Variants in SEMA6D observed in about 807,000 individuals in gnomAD.
SEMA6D encodes the protein semaphorin-6D.
SEMA6D carries 35 observed loss-of-function variants against 106.6 expected under a neutral mutation model. The ratio of observed to expected loss-of-function variants is 0.33; its 90% CI spans 0.25 to 0.44. The LOEUF is 0.44. Among genes scored for constraint, SEMA6D ranks in the 20% least tolerant of loss-of-function variants. The probability of loss-of-function intolerance (pLI) is 1.00; values close to 1 mark genes in which losing one functional copy is unlikely to be tolerated. For synonymous variants in SEMA6D, 499 were observed against 487.7 expected (o/e 1.02, Z -0.31); for missense variants, 1,185 against 1,345.9 (o/e 0.88, Z 1.87).
At chr15:47,394,046 A>G (rs544597778) in intron 1 of SEMA6D, among the ~76,000 whole-genome samples, 1 of 152,190 alleles carries the variant, frequency 6.6e-6, no homozygotes, top group South Asian at 2.1e-4. Context: ...TCTTATACCT[A>G]CTCTCTTAAT....
At chr15:47,679,438 G>C (rs1260921064) in intron 4 of SEMA6D, among the ~76,000 whole-genome samples, 1 of 152,116 alleles carries the variant, frequency 6.6e-6, no homozygotes, top group African/African-American at 2.4e-5. Flanking sequence ...CTTTGGCCTT[G>C]GTTCTTTTAT....
intron 3 of SEMA6D, among the ~76,000 whole-genome samples, chr15:47,477,880 A>T (rs2043044415): frequency 8.0e-6 from 1 of 125,760 alleles, no homozygotes; most frequent in African/African-American, 3.7e-5. Flanking sequence ...CTCATAGTTC[A>T]GCTCTTTTCT....
At chr15:47,666,345 T>C (rs1179160045) in intron 4 of SEMA6D, among the ~76,000 whole-genome samples, 3 of 152,192 alleles carry the variant, frequency 2.0e-5, no homozygotes, top group Non-Finnish European at 4.4e-5. Context: ...AACCCCTATT[T>C]TGCCCCTGTT....
chr15:47,526,598 T>C (rs2044763855), intron 3 of SEMA6D, among the ~76,000 whole-genome samples: 1 of 152,180 alleles, frequency 6.6e-6, no homozygotes, highest in Non-Finnish European at 1.5e-5. Context: ...CTGTAATCAG[T>C]AGATAAGTAC....
At chr15:47,422,171 C>CCTTCCTTCCT in intron 2 of SEMA6D, among the ~76,000 whole-genome samples, 1 of 124,244 alleles carries the variant, frequency 8.0e-6, no homozygotes, top group African/African-American at 2.9e-5. Context: ...TTTGCCCGCC[C>CCTTCCTTCCT]GCCTGCCTGC....
intron 3 of SEMA6D, among the ~76,000 whole-genome samples, chr15:47,551,761 A>G (rs941324722): frequency 6.6e-6 from 1 of 151,752 alleles, no homozygotes; most frequent in Non-Finnish European, 1.5e-5. Context: ...CACGTGACCA[A>G]AAGGACTTCA....
At chr15:47,629,794 TATA>T (rs1382824477) in intron 4 of SEMA6D, among the ~76,000 whole-genome samples, 4 of 151,898 alleles carry the variant, frequency 2.6e-5, no homozygotes, top group East Asian at 3.8e-4. Context: ...AGTGAGAATG[TATA>T]ATATTTGTCT....
At chr15:47,199,220 G>T (rs1894555226) in intron 1 of SEMA6D, among the ~76,000 whole-genome samples, 1 of 152,134 alleles carries the variant, frequency 6.6e-6, no homozygotes, top group Non-Finnish European at 1.5e-5. Flanking sequence ...CTAATGAAGA[G>T]GTTTATATTA....
At chr15:47,227,258 G>A (rs1237444804) in intron 1 of SEMA6D, among the ~76,000 whole-genome samples, 1 of 151,986 alleles carries the variant, frequency 6.6e-6, no homozygotes. Context: ...TACTTCTGTT[G>A]TACAAGTTGT....
chr15:47,464,202 A>G (rs1316429311), intron 2 of SEMA6D, among the ~76,000 whole-genome samples: 1 of 152,118 alleles, frequency 6.6e-6, no homozygotes, highest in Admixed American at 6.6e-5. Context: ...TTTAGCTACA[A>G]TCCCTCATCA....
chr15:47,259,610 C>T (rs1252005023), intron 1 of SEMA6D, among the ~76,000 whole-genome samples: 1 of 151,768 alleles, frequency 6.6e-6, no homozygotes, highest in South Asian at 2.1e-4. Flanking sequence ...AAAATTTGTT[C>T]TTTGTCTTAG....
At chr15:47,283,726 C>T (rs965598149) in intron 1 of SEMA6D, among the ~76,000 whole-genome samples, 2 of 152,172 alleles carry the variant, frequency 1.3e-5, no homozygotes, top group African/African-American at 4.8e-5. Context: ...ACAGCAAGCA[C>T]ACCAGCTTAA....
At chr15:47,272,808 A>G (rs1043774848) in intron 1 of SEMA6D, 7 of 152,416 alleles carry the variant, frequency 4.6e-5, no homozygotes, top group Non-Finnish European at 8.8e-5. Flanking sequence ...CCCCTGCTAG[A>G]ACCTCCAAAC....
chr15:47,400,488 CA>C (rs375822492), intron 1 of SEMA6D, among the ~76,000 whole-genome samples: 1,984 of 118,924 alleles, frequency 0.017, 50 homozygotes, highest in African/African-American at 0.052. Flanking sequence ...GACTCTGTCT[CA>C]AAAAAAAAAA....
intron 1 of SEMA6D, among the ~76,000 whole-genome samples, chr15:47,408,772 TA>T (rs1166273902): frequency 6.6e-6 from 1 of 152,184 alleles, no homozygotes; most frequent in East Asian, 1.9e-4. Context: ...GCTAAGATAA[TA>T]GAGATTCTCC....
chr15:47,734,431 C>G (rs1029346500), intron 1 of SEMA6D, among the ~76,000 whole-genome samples: 2 of 152,134 alleles, frequency 1.3e-5, no homozygotes, highest in African/African-American at 4.8e-5. Flanking sequence ...ATCTTCAAAT[C>G]CTTAATTTTT....
chr15:47,292,380 C>A lies in SEMA6D; in HGVS notation c.-239+107962C>A, dbSNP rs186834181. Reference sequence around the variant, plus strand: ...ATGTGTTTCATGATTCCTTATAAAACGAAGACTTAATAAGTTTACTTGGCA... The same window carrying A: ...ATGTGTTTCATGATTCCTTATAAAAAGAAGACTTAATAAGTTTACTTGGCA... On this transcript the variant is annotated intron_variant, in intron 1 of 19. Transcript: ENST00000558014. Among the ~76,000 whole-genome samples, 15 of 152,142 alleles carry A rather than the reference C, an allele frequency of 9.9e-5. 1 individual carries two copies. The South Asian group carries it at 3.1e-3, about 32-fold the overall frequency.
chr15:47,356,389 A>T (rs1019071904), intron 1 of SEMA6D, among the ~76,000 whole-genome samples: 3 of 152,182 alleles, frequency 2.0e-5, no homozygotes, highest in African/African-American at 7.2e-5. Context: ...AAAACATGAG[A>T]AGTGCCCCAC....
At chr15:47,692,266 C>T (rs557282892) in intron 4 of SEMA6D, among the ~76,000 whole-genome samples, 154 of 152,168 alleles carry the variant, frequency 1.0e-3, no homozygotes, top group African/African-American at 3.1e-3. Context: ...ACTTTCCTCC[C>T]GACTCCAGCC....
Sources: gnomAD v4.1 joint callset for allele counts (sites outside exome capture counted in the v4.1 genomes callset) on GRCh38, gnomAD v4.1.1 for gene constraint, MANE v1.5 for transcripts, NCBI Gene and HGNC (gene_info 2026-07-23, HGNC 2026-07-21) for gene names.